Variants in ZMYM4 observed in about 807,000 individuals in gnomAD.
ZMYM4 encodes zinc finger MYM-type protein 4.
Under a neutral mutation model 183.2 loss-of-function variants are expected in ZMYM4, and 31 were observed. That is an observed-to-expected ratio of 0.17 (90% CI 0.13 to 0.23). The LOEUF (loss-of-function observed/expected upper bound fraction) is 0.23. ZMYM4 is among the 10% of genes least tolerant of loss of function. The pLI is 1.00. For synonymous variants in ZMYM4, 592 were observed against 631.2 expected (o/e 0.94, Z 0.93); for missense variants, 1,273 against 1,840.3 (o/e 0.69, Z 5.64).
intron 5 of ZMYM4, among the ~76,000 whole-genome samples, chr1:35,367,132 C>T (rs746534049): frequency 5.3e-5 from 8 of 151,804 alleles, no homozygotes; most frequent in African/African-American, 1.7e-4. Flanking sequence ...CACATACACA[C>T]ACTTATTACA....
In ZMYM4 at chr1:35,350,837, A is replaced by G. The variant is rs959976819; in HGVS notation, c.86-8088A>G. On this transcript the variant is annotated intron_variant, in intron 2 of 29. Coordinates refer to ENST00000314607, the MANE Select transcript of ZMYM4 (RefSeq NM_005095.3). Reference sequence around the variant, plus strand: ...TATGCTTGGAAACGCTTAGTGATACAGGATAAAAATAAATACAAAACACAC... The same window carrying G: ...TATGCTTGGAAACGCTTAGTGATACGGGATAAAAATAAATACAAAACACAC... 144 of 546,560 alleles carry G rather than the reference A, an allele frequency of 2.6e-4. 1 individual carries two copies. The highest frequency in any genetic ancestry group is 1.1e-3 in the Middle Eastern group (2 of 1,812). 33.9% of individuals were successfully genotyped at this position (546,560 alleles called of 1,614,324 possible).
In ZMYM4 at chr1:35,397,816, A is replaced by G. The variant is rs190507580; in HGVS notation, c.3199+271A>G. Among the ~76,000 whole-genome samples, 319 of 152,278 alleles carry G rather than the reference A, an allele frequency of 2.1e-3. 2 individuals are homozygous for G. Among genetic ancestry groups the G allele is most frequent in the Non-Finnish European group, 2.8e-3 (189 of 68,014 alleles). ...GATTTCATGATCATTTTCCAATTCC[A>G]TCTCTGTAATCAAAGCCATGGTCCC... is the stretch of plus-strand genomic sequence containing the variant. On this transcript the variant is annotated intron_variant, in intron 20 of 29. Transcript: ENST00000314607.
At chr1:35,308,345 C>T (rs1202682841) in intron 1 of ZMYM4, among the ~76,000 whole-genome samples, 1 of 152,150 alleles carries the variant, frequency 6.6e-6, no homozygotes, top group Non-Finnish European at 1.5e-5. Flanking sequence ...ACAGAGTACA[C>T]CTACTGTGTC....
chr1:35,283,126 C>T (rs1257196843), intron 1 of ZMYM4, among the ~76,000 whole-genome samples: 1 of 147,072 alleles, frequency 6.8e-6, no homozygotes, highest in Non-Finnish European at 1.5e-5. Context: ...CTGCCTCAGC[C>T]TCCCAAGTAG....
rs1427284191 is a variant in ZMYM4 at position 35,397,527 on chromosome 1, A to G, written c.3181A>G (p.Lys1061Glu). The G allele has an allele frequency of 1.2e-6, 2 of 1,611,874 alleles. No homozygotes were observed. Among genetic ancestry groups the G allele is most frequent in the East Asian group, 4.5e-5 (2 of 44,804 alleles). ...AATGATTGCAGAAGATGAAGAGAAG[A>G]AGACTCTATCTCAGGGAGGTTGGTA... ...AEMIAEDEEK[K>E]TLSQGESQTS... The change falls in exon 20 of 30, where the codon AAG becomes GAG. Residue 1061 changes from lysine to glutamate, a missense_variant. This residue lies in a region of ZMYM4 where 290 missense variants were observed against 353.3 expected (regional missense o/e 0.82). Transcript: ENST00000314607.
chr1:35,271,927 C>T (rs910324847), intron 1 of ZMYM4, among the ~76,000 whole-genome samples: 1 of 152,110 alleles, frequency 6.6e-6, no homozygotes, highest in Non-Finnish European at 1.5e-5. Flanking sequence ...ATTGCCACTG[C>T]TCTCCAGCCT....
At chr1:35,305,655 C>A (rs1641503446) in intron 1 of ZMYM4, among the ~76,000 whole-genome samples, 1 of 152,020 alleles carries the variant, frequency 6.6e-6, no homozygotes, top group African/African-American at 2.4e-5. Flanking sequence ...GCAGTCCTCC[C>A]ATCTCAGCCT....
chr1:35,286,594 ATTTTTTTTTTT>A (rs35510573), intron 1 of ZMYM4, among the ~76,000 whole-genome samples: 1 of 117,570 alleles, frequency 8.5e-6, no homozygotes, highest in Non-Finnish European at 1.8e-5. Flanking sequence ...CTGTCTGCCT[ATTTTTTTTTTT>A]TTTTTTTTTA....
chr1:35,350,666 A>G (rs892494270), intron 2 of ZMYM4: 3 of 279,010 alleles, frequency 1.1e-5, no homozygotes, highest in Admixed American at 4.2e-5. Context: ...CACTCCCAGC[A>G]CTGCTGGGCC....
intron 1 of ZMYM4, among the ~76,000 whole-genome samples, chr1:35,273,014 G>A (rs1305008274): frequency 2.0e-5 from 3 of 152,080 alleles, no homozygotes; most frequent in African/African-American, 4.8e-5. Flanking sequence ...ACGCCCAGCC[G>A]GTGACTGCAT....
intron 1 of ZMYM4, among the ~76,000 whole-genome samples, chr1:35,272,240 A>G (rs979154242): frequency 4.6e-5 from 7 of 152,170 alleles, no homozygotes; most frequent in African/African-American, 1.7e-4. Context: ...AGGCTATTCA[A>G]TCTGAAATTG....
chr1:35,357,814 A>G (rs1236610267), intron 2 of ZMYM4, among the ~76,000 whole-genome samples: 3 of 152,244 alleles, frequency 2.0e-5, no homozygotes, highest in Non-Finnish European at 4.4e-5. Context: ...TTAAGTGCTT[A>G]GGAAGTCAGT....
chr1:35,407,287 T>C (rs1398358057), intron 25 of ZMYM4, among the ~76,000 whole-genome samples: 2 of 151,838 alleles, frequency 1.3e-5, no homozygotes, highest in Non-Finnish European at 2.9e-5. Context: ...TACAAAATTA[T>C]CTGGGCATGG....
intron 29 of ZMYM4, among the ~76,000 whole-genome samples, chr1:35,418,960 C>A (rs1265198179): frequency 2.0e-5 from 3 of 152,102 alleles, no homozygotes; most frequent in Non-Finnish European, 4.4e-5. Context: ...CTTAGAGGAA[C>A]TTTATGATTT....
At chr1:35,365,179 G>A (rs1644040911) in intron 5 of ZMYM4, among the ~76,000 whole-genome samples, 2 of 149,590 alleles carry the variant, frequency 1.3e-5, no homozygotes, top group South Asian at 2.2e-4. Flanking sequence ...GAGATATAGA[G>A]ATTTAGTTAC....
intron 2 of ZMYM4, among the ~76,000 whole-genome samples, chr1:35,356,997 C>T (rs1459915142): frequency 6.6e-6 from 1 of 152,218 alleles, no homozygotes; most frequent in Non-Finnish European, 1.5e-5. Context: ...GATCCTCCTT[C>T]CTCAGCCTCC....
chr1:35,358,991 G>A lies in ZMYM4; in HGVS notation c.152G>A (p.Ser51Asn), dbSNP rs2148903825. ...CACAACTTAACTCCTACCCTTGACA[G>A]CATGTCTTATGGAATGCCGAATCAA... ...IDHNLTPTLD[S>N]MSYGMPNQTG... Residue 51 changes from serine to asparagine, a missense_variant, in exon 3 of 30, where the codon AGC (serine) becomes AAC (asparagine). This residue lies in a region of ZMYM4 where 384 missense variants were observed against 465.6 expected (regional missense o/e 0.82). Coordinates refer to ENST00000314607, the MANE Select transcript of ZMYM4 (RefSeq NM_005095.3). The A allele has an allele frequency of 1.2e-6, 2 of 1,613,714 alleles. No homozygotes were observed. Among genetic ancestry groups the A allele is most frequent in the Non-Finnish European group, 8.5e-7 (1 of 1,179,724 alleles).
intron 1 of ZMYM4, among the ~76,000 whole-genome samples, chr1:35,301,562 A>AG (rs373714519): frequency 0.048 from 7,234 of 150,828 alleles, 449 homozygotes; most frequent in African/African-American, 0.14. Flanking sequence ...AAAAAAAAAA[A>AG]GTCTTGTCTT....
intron 1 of ZMYM4, among the ~76,000 whole-genome samples, chr1:35,279,354 T>A (rs1640029185): frequency 6.6e-6 from 1 of 152,098 alleles, no homozygotes; most frequent in Non-Finnish European, 1.5e-5. Context: ...ATCAAGGGGG[T>A]CCATATCATT....
Sources: gnomAD v4.1 joint callset for allele counts (sites outside exome capture counted in the v4.1 genomes callset) on GRCh38, gnomAD v4.1.1 for gene constraint, gnomAD v4.1.1 regional missense constraint, MANE v1.5 for transcripts, NCBI Gene and HGNC (gene_info 2026-07-23, HGNC 2026-07-21) for gene names.